PBX1: variants seen among roughly 807,000 people sequenced by gnomAD.
PBX1 encodes pre-B-cell leukemia transcription factor 1.
Under a neutral mutation model 53.4 loss-of-function variants are expected in PBX1, and 6 were observed. The observed-to-expected ratio is 0.11, with a 90% CI of 0.06 to 0.22. The LOEUF (loss-of-function observed/expected upper bound fraction) is 0.22, where lower values mean the gene tolerates loss of function less well. PBX1 is among the 10% of genes least tolerant of loss of function. The pLI, the probability that PBX1 is intolerant of heterozygous loss-of-function variation, is 1.00. For synonymous variants in PBX1, 204 were observed against 212.3 expected, an observed-to-expected ratio of 0.96 and a Z score of 0.34; for missense variants, 251 against 551.4, an observed-to-expected ratio of 0.46 and a Z score of 5.46.
chr1:164,647,808 A>G (rs1005984830), intron 2 of PBX1, among the ~76,000 whole-genome samples: 3 of 130,466 alleles, frequency 2.3e-5, no homozygotes, highest in African/African-American at 8.2e-5. Context: ...TTCTCAAAGC[A>G]CCCCAGCTTT....
At chr1:164,789,029 C>A (rs1668352035) in intron 2 of PBX1, among the ~76,000 whole-genome samples, 1 of 152,124 alleles carries the variant, frequency 6.6e-6, no homozygotes, top group African/African-American at 2.4e-5. Flanking sequence ...CCAGCCAACC[C>A]ACCACCACTG....
In PBX1 at chr1:164,799,793, G is replaced by C; in HGVS notation, c.605G>C (p.Ser202Thr). Residue 202 changes from serine (S) to threonine (T), a missense_variant, in exon 4 of 9, where the codon AGC becomes ACC. Ser to Thr is a moderately conservative substitution (Grantham distance 58). Transcript: ENST00000420696. ...CCAAAGGAGATTGAGCGGATGGTCAGCATCATCCACCGCAAGTTCAGCTCC... is the reference window on the plus strand; with the variant it reads ...CCAAAGGAGATTGAGCGGATGGTCACCATCATCCACCGCAAGTTCAGCTCC... ...ISPKEIERMV[S>T]IIHRKFSSIQ... 1 of 1,614,094 alleles carries C rather than the reference G, an allele frequency of 6.2e-7. No homozygotes were observed. The highest frequency in any genetic ancestry group is 8.5e-7 in the Non-Finnish European group (1 of 1,180,004).
chr1:164,876,255 C>T (rs1672508762), intron 2 of PBX1, among the ~76,000 whole-genome samples: 1 of 151,988 alleles, frequency 6.6e-6, no homozygotes, highest in African/African-American at 2.4e-5. Flanking sequence ...GCTTCTATAT[C>T]ATTTAAAATG....
intron 2 of PBX1, among the ~76,000 whole-genome samples, chr1:164,704,849 G>A (rs1438883757): frequency 6.6e-6 from 1 of 152,190 alleles, no homozygotes; most frequent in Non-Finnish European, 1.5e-5. Flanking sequence ...GCAAGTACAA[G>A]TGTTAGGTTT....
intron 2 of PBX1, among the ~76,000 whole-genome samples, chr1:164,669,616 C>T (rs1321664089): frequency 1.3e-5 from 2 of 152,158 alleles, no homozygotes; most frequent in Non-Finnish European, 2.9e-5. Flanking sequence ...CACACTGCCT[C>T]TCTGACCTTC....
chr1:164,880,230 C>A (rs1672615169), intron 2 of PBX1, among the ~76,000 whole-genome samples: 1 of 152,108 alleles, frequency 6.6e-6, no homozygotes, highest in Non-Finnish European at 1.5e-5. Flanking sequence ...GTGTGGAGAC[C>A]TCATATTTGA....
At chr1:164,771,395 G>A (rs910636986) in intron 2 of PBX1, 2 of 152,008 alleles carry the variant, frequency 1.3e-5, no homozygotes, top group African/African-American at 2.4e-5. Flanking sequence ...AGGCAGACAT[G>A]TAGTAATTAC....
intron 8 of PBX1, among the ~76,000 whole-genome samples, chr1:164,826,882 A>C (rs900617048): frequency 7.1e-6 from 1 of 141,558 alleles, no homozygotes; most frequent in Non-Finnish European, 1.5e-5. Context: ...TTATGACACA[A>C]AAAAAACTCA....
intron 2 of PBX1, among the ~76,000 whole-genome samples, chr1:164,670,268 A>G (rs990020657): frequency 6.6e-6 from 1 of 152,190 alleles, no homozygotes. Context: ...TTGATGACTG[A>G]TAGGCTGAAG....
intron 2 of PBX1, among the ~76,000 whole-genome samples, chr1:164,689,214 ATGT>A (rs1662310598): frequency 6.6e-6 from 1 of 152,214 alleles, no homozygotes; most frequent in African/African-American, 2.4e-5. Flanking sequence ...ACATCAAAAC[ATGT>A]TGGTGGAAGA....
chr1:164,841,014 C>T (rs1410703215), intron 8 of PBX1, among the ~76,000 whole-genome samples: 3 of 152,118 alleles, frequency 2.0e-5, no homozygotes, highest in Non-Finnish European at 4.4e-5. Flanking sequence ...ATGTGTCGGG[C>T]ACTGTGGTGG....
chr1:164,568,451 C>A (rs1165893436), intron 2 of PBX1, among the ~76,000 whole-genome samples: 1 of 152,132 alleles, frequency 6.6e-6, no homozygotes, highest in Non-Finnish European at 1.5e-5. Flanking sequence ...ATTTTCATTG[C>A]CATATTAACC....
At chr1:164,604,480 C>G (rs1656417560) in intron 2 of PBX1, among the ~76,000 whole-genome samples, 1 of 152,196 alleles carries the variant, frequency 6.6e-6, no homozygotes, top group African/African-American at 2.4e-5. Context: ...CTACTGTGTG[C>G]CAGGATGCCC....
intron 4 of PBX1, among the ~76,000 whole-genome samples, chr1:164,801,459 A>C (rs1016523295): frequency 6.6e-6 from 1 of 152,098 alleles, no homozygotes; most frequent in African/African-American, 2.4e-5. Flanking sequence ...TGAAAAAAAA[A>C]AAAAAAACAA....
intron 2 of PBX1, among the ~76,000 whole-genome samples, chr1:164,875,256 A>G (rs1157204956): frequency 6.6e-6 from 1 of 152,182 alleles, no homozygotes; most frequent in Non-Finnish European, 1.5e-5. Context: ...TCAAACAGGG[A>G]TACAGACATA....
intron 2 of PBX1, among the ~76,000 whole-genome samples, chr1:164,623,506 G>C (rs1398174896): frequency 6.6e-6 from 1 of 152,236 alleles, no homozygotes; most frequent in Admixed American, 6.5e-5. Context: ...ACACAGGTGG[G>C]AGTGGGTGCA....
chr1:164,803,096 G>A (rs778628381), intron 4 of PBX1, among the ~76,000 whole-genome samples: 10 of 152,160 alleles, frequency 6.6e-5, no homozygotes, highest in Non-Finnish European at 1.5e-4. Flanking sequence ...AGAAGGTCTA[G>A]TCTGGTCACA....
intron 8 of PBX1, among the ~76,000 whole-genome samples, chr1:164,839,747 A>G (rs1230629762): frequency 2.0e-5 from 3 of 152,198 alleles, no homozygotes; most frequent in African/African-American, 7.2e-5. Context: ...ATTCTCCACC[A>G]GGAATGGCTG....
rs369461032 is a variant in PBX1 at position 164,705,115 on chromosome 1, G to A, written c.266-87379G>A. ...CATTATGGGGGCTGCCCTGTGTACCGTAAGCTGTTTAGCTGCATTCCTGGC... is the reference window on the plus strand; with the variant it reads ...CATTATGGGGGCTGCCCTGTGTACCATAAGCTGTTTAGCTGCATTCCTGGC... On this transcript the variant is annotated intron_variant, in intron 2 of 8. Coordinates refer to ENST00000420696, the MANE Select transcript of PBX1 (RefSeq NM_002585.4). Among the ~76,000 whole-genome samples the A allele has an allele frequency of 2.9e-4, 44 of 152,216 alleles. No individual in the cohort carries two copies. In the East Asian group the frequency reaches 3.1e-3, roughly 11 times the overall value.
Sources: gnomAD v4.1 joint callset for allele counts (sites outside exome capture counted in the v4.1 genomes callset) on GRCh38, gnomAD v4.1.1 for gene constraint, MANE v1.5 for transcripts, NCBI Gene and HGNC (gene_info 2026-07-23, HGNC 2026-07-21) for gene names.